Variants in LHFPL3 observed in about 807,000 individuals in gnomAD.
LHFPL3 encodes LHFPL tetraspan subfamily member 3.
Under a neutral mutation model 19.3 loss-of-function variants are expected in LHFPL3, and 5 were observed. The observed-to-expected ratio is 0.26, with a 90% CI of 0.14 to 0.54. The LOEUF is 0.54. Among genes scored for constraint, LHFPL3 ranks in the 20% least tolerant of loss-of-function variants. The probability of loss-of-function intolerance (pLI) is 0.94; values close to 1 mark genes in which losing one functional copy is unlikely to be tolerated. For missense variants in LHFPL3, 249 were observed against 307.4 expected, an observed-to-expected ratio of 0.81 and a Z score of 1.42; for synonymous variants, 133 against 126.2, an observed-to-expected ratio of 1.05 and a Z score of -0.36.
intron 1 of LHFPL3, among the ~76,000 whole-genome samples, chr7:104,691,719 A>C (rs1259770725): frequency 6.6e-6 from 1 of 152,256 alleles, no homozygotes; most frequent in Non-Finnish European, 1.5e-5. Flanking sequence ...GAGTGGTCAA[A>C]AACTGAAGAT....
At chr7:104,548,259 A>G (rs1449311520) in intron 1 of LHFPL3, among the ~76,000 whole-genome samples, 2 of 152,188 alleles carry the variant, frequency 1.3e-5, no homozygotes, top group Non-Finnish European at 2.9e-5. Flanking sequence ...CTCCAGTTGC[A>G]TGTGTGTACA....
intron 1 of LHFPL3, among the ~76,000 whole-genome samples, chr7:104,330,952 C>A (rs1031718900): frequency 1.3e-5 from 2 of 152,086 alleles, no homozygotes; most frequent in African/African-American, 4.8e-5. Flanking sequence ...GTTAAATGAC[C>A]TATTTAGACA....
At chr7:104,498,496 GTT>G (rs35269120) in intron 1 of LHFPL3, among the ~76,000 whole-genome samples, 18,787 of 134,598 alleles carry the variant, frequency 0.14, 2,109 homozygotes, top group African/African-American at 0.35. Flanking sequence ...TGGAAGCAAT[GTT>G]TTTTTTTTTT....
chr7:104,427,199 A>G (rs1411442593), intron 1 of LHFPL3, among the ~76,000 whole-genome samples: 1 of 152,192 alleles, frequency 6.6e-6, no homozygotes, highest in Non-Finnish European at 1.5e-5. Flanking sequence ...AGGAGGAAAA[A>G]CACATGTGAT....
intron 2 of LHFPL3, among the ~76,000 whole-genome samples, chr7:104,814,813 C>T (rs1017418164): frequency 2.6e-5 from 4 of 152,224 alleles, no homozygotes; most frequent in East Asian, 1.9e-4. Context: ...GACTGGGCTG[C>T]GGCAGTGGCC....
At chr7:104,477,986 G>T (rs2115644725) in intron 1 of LHFPL3, among the ~76,000 whole-genome samples, 1 of 152,266 alleles carries the variant, frequency 6.6e-6, no homozygotes, top group African/African-American at 2.4e-5. Context: ...GAGAATAATT[G>T]CTGAAATCCC....
chr7:104,623,251 T>C (rs1791482000), intron 1 of LHFPL3, among the ~76,000 whole-genome samples: 1 of 152,134 alleles, frequency 6.6e-6, no homozygotes, highest in Non-Finnish European at 1.5e-5. Flanking sequence ...AATCTTGATA[T>C]TCCTCTTTCA....
At chr7:104,900,156 T>C (rs1284922302) in intron 2 of LHFPL3, among the ~76,000 whole-genome samples, 2 of 152,258 alleles carry the variant, frequency 1.3e-5, no homozygotes, top group Non-Finnish European at 2.9e-5. Flanking sequence ...AAATATGGAA[T>C]GGCTTCATGC....
intron 2 of LHFPL3, among the ~76,000 whole-genome samples, chr7:104,892,225 T>C (rs188232393): frequency 1.3e-5 from 2 of 152,296 alleles, no homozygotes; most frequent in Non-Finnish European, 2.9e-5. Flanking sequence ...AATCACTCTC[T>C]TAGAGAAGCA....
intron 2 of LHFPL3, among the ~76,000 whole-genome samples, chr7:104,873,503 C>T (rs1246649476): frequency 3.1e-5 from 4 of 127,558 alleles, no homozygotes; most frequent in Non-Finnish European, 4.6e-5. Context: ...AGCACTACAC[C>T]GGTTATCCTA....
intron 2 of LHFPL3, among the ~76,000 whole-genome samples, chr7:104,900,362 ATACT>A (rs1396802814): frequency 1.3e-5 from 2 of 152,214 alleles, no homozygotes; most frequent in African/African-American, 4.8e-5. Context: ...TTCTTGTGAA[ATACT>A]TACTTTCCAA....
intron 2 of LHFPL3, among the ~76,000 whole-genome samples, chr7:104,822,508 A>C (rs952081417): frequency 1.5e-4 from 23 of 152,282 alleles, no homozygotes; most frequent in Non-Finnish European, 1.6e-4. Flanking sequence ...GATGTTTGCC[A>C]ACAGTCCTGG....
At chr7:104,373,269 A>G (rs1790648421) in intron 1 of LHFPL3, among the ~76,000 whole-genome samples, 1 of 152,252 alleles carries the variant, frequency 6.6e-6, no homozygotes, top group African/African-American at 2.4e-5. Context: ...ATTGGAAAAG[A>G]TATAAAAGAA....
intron 2 of LHFPL3, among the ~76,000 whole-genome samples, chr7:104,821,745 AG>A (rs1391106693): frequency 6.6e-6 from 1 of 152,222 alleles, no homozygotes; most frequent in Non-Finnish European, 1.5e-5. Context: ...GCACAGTCAA[AG>A]TTTCTAGACT....
chr7:104,442,733 C>A (rs1261654226), intron 1 of LHFPL3, among the ~76,000 whole-genome samples: 2 of 152,170 alleles, frequency 1.3e-5, no homozygotes, highest in Non-Finnish European at 2.9e-5. Context: ...CTCTTTCTGG[C>A]AACATATTGT....
At chr7:104,858,843 A>G (rs1351554100) in intron 2 of LHFPL3, among the ~76,000 whole-genome samples, 1 of 151,824 alleles carries the variant, frequency 6.6e-6, no homozygotes, top group Non-Finnish European at 1.5e-5. Flanking sequence ...CCCAAGTTGC[A>G]TCTTCCCATC....
intron 1 of LHFPL3, among the ~76,000 whole-genome samples, chr7:104,457,327 T>C (rs375328395): frequency 3.2e-4 from 48 of 150,762 alleles, no homozygotes; most frequent in South Asian, 1.1e-3. Context: ...TGTCCATGTG[T>C]TCTCGTTGTT....
intron 1 of LHFPL3, chr7:104,668,155 T>C: frequency 6.2e-7 from 1 of 1,614,098 alleles, no homozygotes; most frequent in Non-Finnish European, 8.5e-7. Flanking sequence ...CCAGAGAGGC[T>C]GAAAGGTTTT....
chr7:104,789,478 C>G (rs993068900), intron 2 of LHFPL3, among the ~76,000 whole-genome samples: 2 of 152,142 alleles, frequency 1.3e-5, no homozygotes, highest in African/African-American at 4.8e-5. Flanking sequence ...CTTCAGCTAT[C>G]TTCATGGAAA....
Sources: gnomAD v4.1 joint callset for allele counts (sites outside exome capture counted in the v4.1 genomes callset) on GRCh38, gnomAD v4.1.1 for gene constraint, MANE v1.5 for transcripts, NCBI Gene and HGNC (gene_info 2026-07-23, HGNC 2026-07-21) for gene names.